The following MAGI2 variants were observed in gnomAD, a reference collection of about 807,000 sequenced individuals.
The protein encoded by MAGI2 is membrane associated guanylate kinase, WW and PDZ domain containing 2.
A neutral mutation model predicts 133.3 loss-of-function variants in MAGI2; 35 were observed. That is an observed-to-expected ratio of 0.26 (90% CI 0.20 to 0.35). The LOEUF (loss-of-function observed/expected upper bound fraction) is 0.35. MAGI2 is among the 10% of genes least tolerant of loss of function. MAGI2 has a pLI of 1.00. For missense variants in MAGI2, 1,636 were observed against 1,863.4 expected, an observed-to-expected ratio of 0.88 and a Z score of 2.25; for synonymous variants, 729 against 710.6, an observed-to-expected ratio of 1.03 and a Z score of -0.41.
At chr7:79,324,036 T>C (rs1204413323) in intron 1 of MAGI2, among the ~76,000 whole-genome samples, 3 of 152,136 alleles carry the variant, frequency 2.0e-5, no homozygotes, top group Non-Finnish European at 4.4e-5. Flanking sequence ...GCTCCACTAC[T>C]TCCTCTGGTA....
In MAGI2 at chr7:78,255,924, G is replaced by A; in HGVS notation, c.2047+19C>T. 2 of 1,610,896 alleles carry A rather than the reference G, an allele frequency of 1.2e-6. No individual in the cohort carries two copies. The highest frequency in any genetic ancestry group is 2.2e-5 in the East Asian group (1 of 44,692). On this transcript the variant is annotated intron_variant, in intron 10 of 21. Transcript: ENST00000354212. The stretch of plus-strand genomic sequence containing the variant: ...TATTTTACCCACATATTTTATTGCT[G>A]AGCCAGTGTTTGTCTTACCTCCTCG...
chr7:79,035,934 G>A lies in MAGI2; in HGVS notation c.302-28728C>T, dbSNP rs570205704. 1.8e-4 allele frequency among the ~76,000 whole-genome samples: 28 copies of A among 152,286 alleles called. No homozygotes were observed. In the South Asian group the frequency reaches 5.8e-3, roughly 32 times the overall value. On this transcript the variant is annotated intron_variant, in intron 1 of 21. Coordinates refer to ENST00000354212, the MANE Select transcript of MAGI2 (RefSeq NM_012301.4). The stretch of plus-strand genomic sequence containing the variant: ...TCATAAATGATATTCCATGTTGTCA[G>A]TACACTGAATAATTTAAAAATTGTT...
At chr7:78,587,961 T>C (rs1803595746) in intron 3 of MAGI2, among the ~76,000 whole-genome samples, 1 of 152,180 alleles carries the variant, frequency 6.6e-6, no homozygotes, top group Non-Finnish European at 1.5e-5. Flanking sequence ...CCAGAAAGCA[T>C]AGTGAAGTGT....
At chr7:78,926,279 C>T (rs1799685203) in intron 2 of MAGI2, among the ~76,000 whole-genome samples, 1 of 151,968 alleles carries the variant, frequency 6.6e-6, no homozygotes, top group East Asian at 1.9e-4. Flanking sequence ...TGGATTTTCT[C>T]TCCCCATTTC....
intron 3 of MAGI2, among the ~76,000 whole-genome samples, chr7:78,532,923 A>T (rs1376892092): frequency 1.3e-5 from 2 of 151,886 alleles, no homozygotes; most frequent in African/African-American, 4.8e-5. Flanking sequence ...TTTTATATTT[A>T]AAACTCTGGA....
At chr7:79,195,936 A>C (rs911428290) in intron 1 of MAGI2, among the ~76,000 whole-genome samples, 8 of 151,990 alleles carry the variant, frequency 5.3e-5, no homozygotes, top group African/African-American at 1.9e-4. Flanking sequence ...AGTAGAGAGT[A>C]GAATGATGGT....
chr7:78,430,003 A>G (rs1401798988), intron 6 of MAGI2, among the ~76,000 whole-genome samples: 1 of 152,110 alleles, frequency 6.6e-6, no homozygotes, highest in Non-Finnish European at 1.5e-5. Flanking sequence ...ACTGTGCTAC[A>G]TTGCCCTTCT....
chr7:78,128,575 T>A (rs1340678194), intron 18 of MAGI2, among the ~76,000 whole-genome samples: 1 of 152,180 alleles, frequency 6.6e-6, no homozygotes. Flanking sequence ...CTGGATTTTT[T>A]TTTTTTTTTA....
intron 21 of MAGI2, chr7:78,035,139 T>C (rs536094941): frequency 6.5e-6 from 1 of 153,180 alleles, no homozygotes; most frequent in South Asian, 2.1e-4. Context: ...CAGAGGTGTG[T>C]GTTAGATCCC....
At chr7:78,109,615 T>C (rs997853884) in intron 20 of MAGI2, among the ~76,000 whole-genome samples, 1 of 151,612 alleles carries the variant, frequency 6.6e-6, no homozygotes, top group Non-Finnish European at 1.5e-5. Flanking sequence ...CTGGGAGACA[T>C]AGCAAGACTC....
At chr7:78,854,613 AT>A (rs1421883152) in intron 2 of MAGI2, among the ~76,000 whole-genome samples, 1 of 151,212 alleles carries the variant, frequency 6.6e-6, no homozygotes, top group Non-Finnish European at 1.5e-5. Context: ...GTCTTTGTTA[AT>A]CTTTGCAGGC....
intron 21 of MAGI2, among the ~76,000 whole-genome samples, chr7:78,049,276 A>G (rs1318975611): frequency 2.0e-5 from 3 of 152,216 alleles, no homozygotes; most frequent in East Asian, 1.9e-4. Context: ...TACCAGTCTC[A>G]TTAGTAAAGT....
intron 1 of MAGI2, among the ~76,000 whole-genome samples, chr7:79,161,694 C>A (rs758953890): frequency 6.6e-6 from 1 of 152,170 alleles, no homozygotes; most frequent in African/African-American, 2.4e-5. Context: ...TGTTTAAAAG[C>A]TGCTGCTCTG....
intron 20 of MAGI2, among the ~76,000 whole-genome samples, chr7:78,096,219 G>T (rs923345741): frequency 2.6e-5 from 4 of 152,198 alleles, no homozygotes; most frequent in African/African-American, 9.7e-5. Context: ...GTTATTAAGA[G>T]CACGGGCTTT....
rs551510085 is a variant in MAGI2, at chr7:79,022,013, G to C, written c.302-14807C>G. 2.6e-5 allele frequency among the ~76,000 whole-genome samples: 4 copies of C among 152,194 alleles called. No individual in the cohort carries two copies. In the South Asian group the frequency reaches 8.3e-4, roughly 32 times the overall value. ...CATAAGGGTTTCCCCCATTTGCTCA[G>C]CAGTCATTGTCTATCCTGCTGCCCT... On this transcript the variant is annotated intron_variant, in intron 1 of 21. Coordinates refer to ENST00000354212, the MANE Select transcript of MAGI2 (RefSeq NM_012301.4).
intron 6 of MAGI2, among the ~76,000 whole-genome samples, chr7:78,373,570 TCA>T (rs1257837500): frequency 6.6e-6 from 1 of 152,044 alleles, no homozygotes; most frequent in Non-Finnish European, 1.5e-5. Flanking sequence ...GGGCTCCTAC[TCA>T]CACTTTATTT....
intron 10 of MAGI2, among the ~76,000 whole-genome samples, chr7:78,240,541 A>G (rs1468947355): frequency 6.6e-6 from 1 of 152,226 alleles, no homozygotes; most frequent in East Asian, 1.9e-4. Context: ...CCAGGCATAG[A>G]AAGGCAAATA....
intron 6 of MAGI2, among the ~76,000 whole-genome samples, chr7:78,422,580 CAAA>C (rs11441295): frequency 5.3e-5 from 6 of 112,870 alleles, no homozygotes; most frequent in African/African-American, 8.6e-5. Context: ...TGTGTAAAGG[CAAA>C]AAAAAAAAAA....
intron 3 of MAGI2, among the ~76,000 whole-genome samples, chr7:78,545,978 T>C (rs1289303009): frequency 1.3e-5 from 2 of 152,174 alleles, no homozygotes; most frequent in African/African-American, 4.8e-5. Context: ...TTAAATAATA[T>C]ATTGAATATT....
Sources: allele counts gnomAD v4.1 joint callset (sites outside exome capture counted in the v4.1 genomes callset), GRCh38; gene constraint gnomAD v4.1.1; transcripts MANE v1.5; gene names NCBI Gene and HGNC (gene_info 2026-07-23, HGNC 2026-07-21).